The following SYNE2 variants were observed in gnomAD, a reference collection of about 807,000 sequenced individuals.
The protein encoded by SYNE2 is spectrin repeat containing nuclear envelope protein 2, also known as nesprin-2.
A neutral mutation model predicts 856.3 loss-of-function variants in SYNE2; 431 were observed. The observed-to-expected ratio is 0.50, with a 90% confidence interval of 0.47 to 0.55. The LOEUF (loss-of-function observed/expected upper bound fraction) is 0.55. Among genes scored for constraint, SYNE2 ranks in the 20% least tolerant of loss-of-function variants. The pLI, the probability that SYNE2 is intolerant of heterozygous loss-of-function variation, is 0.00. For missense variants in SYNE2, 8,129 were observed against 8,023.2 expected (o/e 1.01, Z -0.50); for synonymous variants, 2,923 against 2,872.3 (o/e 1.02, Z -0.56).
chr14:64,033,079 G>C (rs1053142350), intron 45 of SYNE2, among the ~76,000 whole-genome samples: 3 of 152,092 alleles, frequency 2.0e-5, no homozygotes, highest in Non-Finnish European at 4.4e-5. Context: ...GAGGTGGGAG[G>C]ATCACATGAG....
intron 45 of SYNE2, among the ~76,000 whole-genome samples, chr14:64,037,203 A>C (rs1297686862): frequency 2.0e-5 from 3 of 150,500 alleles, no homozygotes; most frequent in Non-Finnish European, 3.0e-5. Context: ...GGGTCATAGG[A>C]CAATAGTGGA....
At chr14:64,184,717 A>G (rs539666234) in intron 96 of SYNE2, among the ~76,000 whole-genome samples, 1 of 152,312 alleles carries the variant, frequency 6.6e-6, no homozygotes, top group East Asian at 1.9e-4. Context: ...GCTGTCATCT[A>G]CTGGAACCAA....
intron 66 of SYNE2, among the ~76,000 whole-genome samples, chr14:64,118,265 C>T (rs1165861677): frequency 2.6e-5 from 4 of 152,102 alleles, no homozygotes; most frequent in Admixed American, 6.5e-5. Context: ...CTGGCATGAC[C>T]GAGCAGGCTG....
chr14:63,974,792 A>ATGTGTATATG (rs534969301), intron 11 of SYNE2, among the ~76,000 whole-genome samples: 25,285 of 123,014 alleles, frequency 0.21, 3,144 homozygotes, highest in African/African-American at 0.35. Flanking sequence ...GTGTATATAT[A>ATGTGTATATG]TGTGTATATA....
At chr14:63,785,334 T>C (rs1887479416) in intron 1 of SYNE2, among the ~76,000 whole-genome samples, 1 of 152,104 alleles carries the variant, frequency 6.6e-6, no homozygotes, top group Non-Finnish European at 1.5e-5. Flanking sequence ...GGTGCACACC[T>C]GTGGTCCTAG....
At chr14:63,791,963 AAACTT>A (rs1887754302) in intron 1 of SYNE2, among the ~76,000 whole-genome samples, 1 of 151,394 alleles carries the variant, frequency 6.6e-6, no homozygotes, top group African/African-American at 2.4e-5. Context: ...AACAAAAACA[AAACTT>A]AAAAATGAAC....
chr14:63,824,172 C>A (rs767669257), intron 1 of SYNE2, among the ~76,000 whole-genome samples: 66 of 152,140 alleles, frequency 4.3e-4, no homozygotes, highest in Middle Eastern at 6.8e-3. Flanking sequence ...AACCCCATCT[C>A]TACAAAAAAT....
intron 9 of SYNE2, 36 bp downstream of exon 9, chr14:63,961,661 G>A (rs1432315649): frequency 2.1e-6 from 3 of 1,432,236 alleles, no homozygotes; most frequent in East Asian, 4.6e-5. Flanking sequence ...GCTCATTTTA[G>A]TTGTATCCTG....
chr14:64,183,785 G>A (rs990847919), intron 96 of SYNE2, among the ~76,000 whole-genome samples: 3 of 152,088 alleles, frequency 2.0e-5, no homozygotes, highest in African/African-American at 4.8e-5. Flanking sequence ...ACGTGGTGGC[G>A]TGCGCCTGCA....
intron 101 of SYNE2, 165 bp from the exon 102 acceptor site, chr14:64,209,263 C>T (rs2098627396): frequency 1.7e-6 from 2 of 1,211,742 alleles, no homozygotes; most frequent in South Asian, 1.4e-5. Flanking sequence ...CTGCTTGGCG[C>T]TCCCAGGCAG....
At position 64,079,892 on chromosome 14, in the gene SYNE2, GT is replaced by G. The variant is rs1183100406; in HGVS notation, c.11164-561del. ...CCTGGCTAAGTTTTGTAGAGACGGT[GT>G]TTCCCTGTGTTGTCCAGGCTGGTCT... On this transcript the variant is annotated intron_variant, in intron 55 of 115. Transcript: ENST00000555002. Among the ~76,000 whole-genome samples, 13 of 152,214 alleles carry G rather than the reference GT, an allele frequency of 8.5e-5. No homozygotes were observed. The East Asian group carries it at 2.5e-3, about 29-fold the overall frequency.
intron 96 of SYNE2, among the ~76,000 whole-genome samples, chr14:64,182,823 T>C (rs1315160868): frequency 6.6e-6 from 1 of 152,236 alleles, no homozygotes; most frequent in African/African-American, 2.4e-5. Flanking sequence ...TTTCTCTATC[T>C]TTTCCCCACA....
chr14:63,835,738 T>C (rs1369561143), intron 1 of SYNE2, among the ~76,000 whole-genome samples: 2 of 152,034 alleles, frequency 1.3e-5, no homozygotes, highest in Non-Finnish European at 2.9e-5. Context: ...AATCCCAGTA[T>C]TTTGGGAGGC....
At chr14:64,209,872 G>T in intron 102 of SYNE2, 70 bp from the exon 103 acceptor site, 1 of 1,604,308 alleles carries the variant, frequency 6.2e-7, no homozygotes, top group Non-Finnish European at 8.5e-7. Flanking sequence ...GGTCGCTTGG[G>T]ATGTAGAAGG....
At chr14:64,143,584 C>G (rs1470606194) in intron 82 of SYNE2, among the ~76,000 whole-genome samples, 188 bp from the exon 83 acceptor site, 1 of 152,102 alleles carries the variant, frequency 6.6e-6, no homozygotes, top group African/African-American at 2.4e-5. Flanking sequence ...TGTGTAATTC[C>G]CCAAAAGAAT....
rs2097243719 is a variant in SYNE2, at chr14:64,053,557, A to G, written c.9644A>G (p.Gln3215Arg). The G allele has an allele frequency of 6.2e-7, 1 of 1,614,184 alleles. No individual in the cohort carries two copies. Among genetic ancestry groups the G allele is most frequent in the East Asian group, 2.2e-5 (1 of 44,890 alleles). ...SIKAVTAIEKQREENSSEASD... is the reference protein window; with the variant it reads ...SIKAVTAIEKRREENSSEASD... ...AAAGCTGTGACTGCTATTGAGAAAC[A>G]AAGAGAAGAAAACTCTTCTGAAGCG... is the stretch of plus-strand genomic sequence containing the variant. Residue 3215 changes from glutamine (Q) to arginine (R), a missense_variant, in exon 48 of 116, where the codon CAA becomes CGA. Physicochemically the swap from Gln to Arg is conservative, Grantham distance 43. Transcript: ENST00000555002.
intron 1 of SYNE2, among the ~76,000 whole-genome samples, chr14:63,897,097 A>G (rs2095265134): frequency 1.3e-5 from 2 of 152,160 alleles, no homozygotes; most frequent in South Asian, 2.1e-4. Flanking sequence ...ACCAAAAAAT[A>G]CAAAATTTAG....
Position 64,219,104 on chromosome 14 carries a change from G to GTTTTT in SYNE2, c.19658-88_19658-84dup, listed in dbSNP as rs528002229. The stretch of plus-strand genomic sequence containing the variant: ...CAGGGGAATCCCCTACAGTTTTTTT[G>GTTTTT]TTTTTTTTTTTTTTTTTTTTAACCA... On this transcript the variant is annotated intron_variant, in intron 109 of 115. Transcript: ENST00000555002. 315 of 408,754 alleles carry GTTTTT rather than the reference G, an allele frequency of 7.7e-4. 23 individuals are homozygous for GTTTTT. Among genetic ancestry groups the GTTTTT allele is most frequent in the East Asian group, 3.0e-3 (52 of 17,224 alleles). 25.3% of individuals were successfully genotyped at this position (408,754 alleles called of 1,614,324 possible). A position where few individuals can be genotyped will look rare whatever the true frequency, so the allele number is the denominator to read the frequency against.
At chr14:63,901,021 G>T (rs1320563668) in intron 1 of SYNE2, among the ~76,000 whole-genome samples, 1 of 152,198 alleles carries the variant, frequency 6.6e-6, no homozygotes, top group Non-Finnish European at 1.5e-5. Context: ...CTCTGTTAAA[G>T]AAATAACGTG....
Sources: allele counts gnomAD v4.1 joint callset (sites outside exome capture counted in the v4.1 genomes callset), GRCh38; gene constraint gnomAD v4.1.1; transcripts MANE v1.5; gene names NCBI Gene and HGNC (gene_info 2026-07-23, HGNC 2026-07-21).